Variants in ADAM10 observed in about 807,000 individuals in gnomAD.
ADAM10 encodes ADAM metallopeptidase domain 10.
In ADAM10, 17 loss-of-function variants were observed where a neutral mutation model predicts 90.1. The observed-to-expected ratio is 0.19, with a 90% CI of 0.13 to 0.28. The LOEUF is 0.28. Ranked by LOEUF, ADAM10 falls within the 10% of genes least tolerant of loss-of-function variation. The pLI is 1.00. For missense variants in ADAM10, 610 were observed against 914.3 expected (o/e 0.67, Z 4.29); for synonymous variants, 310 against 298.6 (o/e 1.04, Z -0.40).
intron 2 of ADAM10, chr15:58,691,676 C>CTTTTTTTTT (rs71116587): frequency 3.9e-4 from 91 of 231,860 alleles, no homozygotes; most frequent in African/African-American, 9.8e-4. Flanking sequence ...ACTTCTTCTT[C>CTTTTTTTTT]TTTTTTTTTT....
rs1567014727 is a variant in ADAM10, at chr15:58,727,207, C to CTTTTT, written c.56-9481_56-9480insAAAAA. Among the ~76,000 whole-genome samples the CTTTTT allele has an allele frequency of 3.7e-4, 26 of 71,034 alleles. 5 individuals carry two copies. The highest frequency in any genetic ancestry group is 1.9e-3 in the East Asian group (3 of 1,564). The allele number at this position is 71,034 out of a possible 152,430, so 46.6% of individuals were successfully genotyped here. A position where few individuals can be genotyped will look rare whatever the true frequency, so the allele number is the denominator to read the frequency against. ...TTTTTTTTTTTTTTTTTTTTTTTTC[C>CTTTTT]CAAAAACAGCGTTTCGCTCGTTGCC... is the stretch of plus-strand genomic sequence containing the variant. On this transcript the variant is annotated intron_variant, in intron 1 of 15. Coordinates refer to ENST00000260408, the MANE Select transcript of ADAM10 (RefSeq NM_001110.4).
chr15:58,620,829 C>T lies in ADAM10; in HGVS notation c.1511+642G>A, dbSNP rs559842077. Among the ~76,000 whole-genome samples, 64 of 85,454 alleles carry T rather than the reference C, an allele frequency of 7.5e-4. 17 individuals carry two copies. The highest frequency in any genetic ancestry group is 1.0e-3 in the Non-Finnish European group (53 of 53,014). The allele number at this position is 85,454 out of a possible 152,430, so 56.1% of individuals were successfully genotyped here. A position where few individuals can be genotyped will look rare whatever the true frequency, so the allele number is the denominator to read the frequency against. On this transcript the variant is annotated intron_variant, in intron 11 of 15. Transcript: ENST00000260408. ...GACTACAGGCGCCCGCCACCGCGCC[C>T]GGCTAATTTTTTGTATTTTTAGTAG...
Position 58,743,944 on chromosome 15 carries a change from G to C in ADAM10, c.55+5536C>G, listed in dbSNP as rs116299194. Among the ~76,000 whole-genome samples the C allele has an allele frequency of 6.5e-3, 987 of 152,192 alleles. 18 individuals are homozygous for C. Among genetic ancestry groups the C allele is most frequent in the African/African-American group, 0.023 (941 of 41,510 alleles). On this transcript the variant is annotated intron_variant, in intron 1 of 15. Coordinates refer to ENST00000260408, the MANE Select transcript of ADAM10 (RefSeq NM_001110.4). The stretch of plus-strand genomic sequence containing the variant: ...TTAATTCACAATTTCTATTCCTGTA[G>C]AAAATATTACAGTTGGACATTTTAG...
chr15:58,733,683 CTAAATTTTG>C (rs1210099609), intron 1 of ADAM10, among the ~76,000 whole-genome samples: 1 of 152,120 alleles, frequency 6.6e-6, no homozygotes, highest in Admixed American at 6.5e-5. Flanking sequence ...TCATGAGCCC[CTAAATTTTG>C]CAGGCAAAAT....
intron 4 of ADAM10, chr15:58,676,035 G>A: frequency 2.3e-5 from 5 of 215,414 alleles, no homozygotes; most frequent in Admixed American, 5.6e-5. Context: ...CACATTAAAG[G>A]GCATCCTTTG....
chr15:58,622,852 A>G (rs1318437908), intron 10 of ADAM10, among the ~76,000 whole-genome samples: 2 of 152,240 alleles, frequency 1.3e-5, no homozygotes, highest in Non-Finnish European at 2.9e-5. Flanking sequence ...GATAAAAATC[A>G]AATGCCTTAA....
intron 11 of ADAM10, among the ~76,000 whole-genome samples, 200 bp from the exon 12 acceptor site, chr15:58,612,191 C>T (rs1383154817): frequency 4.6e-5 from 7 of 152,172 alleles, no homozygotes; most frequent in African/African-American, 1.7e-4. Context: ...GTAAACAGTG[C>T]ACTGGTGGAG....
At chr15:58,660,491 T>A (rs1442918273) in intron 5 of ADAM10, among the ~76,000 whole-genome samples, 1 of 152,002 alleles carries the variant, frequency 6.6e-6, no homozygotes, top group Non-Finnish European at 1.5e-5. Flanking sequence ...TTTTTTTAAT[T>A]AAAAAAAATT....
At chr15:58,709,205 C>CTTG (rs1898396332) in intron 2 of ADAM10, among the ~76,000 whole-genome samples, 1 of 152,130 alleles carries the variant, frequency 6.6e-6, no homozygotes, top group Admixed American at 6.5e-5. Flanking sequence ...GAAAACGCCA[C>CTTG]AACAACCTTA....
intron 1 of ADAM10, among the ~76,000 whole-genome samples, chr15:58,727,044 T>C (rs1021155698): frequency 2.6e-5 from 4 of 151,984 alleles, no homozygotes; most frequent in Non-Finnish European, 5.9e-5. Flanking sequence ...GTCTCACTCA[T>C]TGCCCAGGCT....
chr15:58,647,248 A>ATTTTTTTTTTTTT (rs67378373), intron 5 of ADAM10, among the ~76,000 whole-genome samples: 986 of 59,564 alleles, frequency 0.017, 352 homozygotes, highest in Non-Finnish European at 0.026. Flanking sequence ...GACACTAAGT[A>ATTTTTTTTTTTTT]TTTTTTTTTT....
At chr15:58,739,245 G>T (rs962723615) in intron 1 of ADAM10, among the ~76,000 whole-genome samples, 1 of 151,814 alleles carries the variant, frequency 6.6e-6, no homozygotes, top group Non-Finnish European at 1.5e-5. Context: ...GGTGGCTCAC[G>T]CCTGTAATCC....
intron 1 of ADAM10, among the ~76,000 whole-genome samples, chr15:58,730,975 G>C (rs962189567): frequency 6.6e-6 from 1 of 152,106 alleles, no homozygotes; most frequent in Non-Finnish European, 1.5e-5. Context: ...AGCATCCTAG[G>C]GTCTCCAGCT....
At chr15:58,685,841 G>C (rs140456589) in intron 2 of ADAM10, among the ~76,000 whole-genome samples, 2 of 151,840 alleles carry the variant, frequency 1.3e-5, no homozygotes, top group Admixed American at 6.6e-5. Flanking sequence ...AACATCTTAA[G>C]ACACAAAACA....
At chr15:58,735,302 T>A (rs540723694) in intron 1 of ADAM10, among the ~76,000 whole-genome samples, 1 of 152,170 alleles carries the variant, frequency 6.6e-6, no homozygotes, top group Admixed American at 6.5e-5. Context: ...GGTTCTTTCA[T>A]CACTATTAGA....
intron 2 of ADAM10, chr15:58,698,406 TAAAAA>T (rs56797082): frequency 5.0e-5 from 10 of 201,722 alleles, no homozygotes; most frequent in South Asian, 1.5e-4. Flanking sequence ...ACCCCATCTC[TAAAAA>T]AAAAAAAAAA....
At chr15:58,704,353 G>C (rs1281010629) in intron 2 of ADAM10, among the ~76,000 whole-genome samples, 1 of 152,122 alleles carries the variant, frequency 6.6e-6, no homozygotes. Flanking sequence ...CATACTTTCT[G>C]TTTGTGATGA....
chr15:58,688,786 A>ATATATATATATCTCTCTCTC, intron 2 of ADAM10, among the ~76,000 whole-genome samples: 67 of 122,372 alleles, frequency 5.5e-4, no homozygotes, highest in African/African-American at 2.3e-3. Flanking sequence ...ATATATATAT[A>ATATATATATATCTCTCTCTC]TCTCTCTCTC....
chr15:58,601,822 T>G (rs1052587571), intron 14 of ADAM10, among the ~76,000 whole-genome samples: 6 of 152,198 alleles, frequency 3.9e-5, no homozygotes, highest in African/African-American at 1.4e-4. Context: ...GGGCAGTTAT[T>G]TTGCATGGGA....
Sources: gnomAD v4.1 joint callset for allele counts (sites outside exome capture counted in the v4.1 genomes callset) on GRCh38, gnomAD v4.1.1 for gene constraint, MANE v1.5 for transcripts, NCBI Gene and HGNC (gene_info 2026-07-23, HGNC 2026-07-21) for gene names.